The following AFMID variants were observed in gnomAD, a reference collection of about 807,000 sequenced individuals.
The protein encoded by AFMID is kynurenine formamidase.
In AFMID, 39 loss-of-function variants were observed where a neutral mutation model predicts 47.5. The ratio of observed to expected loss-of-function variants is 0.82; its 90% confidence interval spans 0.64 to 1.07. AFMID has a LOEUF of 1.07. Among genes scored for constraint, AFMID ranks in the 50% least tolerant of loss-of-function variants. The pLI, the probability that AFMID is intolerant of heterozygous loss-of-function variation, is 0.00. For synonymous variants in AFMID, 130 were observed against 153.2 expected (o/e 0.85, Z 1.12); for missense variants, 375 against 387.5 (o/e 0.97, Z 0.27).
At chr17:78,204,799 C>G in intron 5 of AFMID, 29 bp from the exon 6 acceptor site, 1 of 1,614,184 alleles carries the variant, frequency 6.2e-7, no homozygotes, top group Non-Finnish European at 8.5e-7. Context: ...GGAAGTGCAT[C>G]CCTGACCCAG....
intron 2 of AFMID, among the ~76,000 whole-genome samples, chr17:78,201,954 TCTC>T (rs1290423146): frequency 2.0e-5 from 3 of 151,446 alleles, no homozygotes; most frequent in Non-Finnish European, 4.4e-5. Context: ...GTGGTCTCGA[TCTC>T]CTGACCTCGT....
At chr17:78,196,346 C>G (rs1402907024) in intron 2 of AFMID, among the ~76,000 whole-genome samples, 1 of 151,898 alleles carries the variant, frequency 6.6e-6, no homozygotes, top group Non-Finnish European at 1.5e-5. Context: ...GCCTGGGTGA[C>G]AAAGCGAGAC....
At chr17:78,190,865 C>A (rs2075947383) in intron 1 of AFMID, 105 bp from the exon 2 acceptor site, 1 of 948,644 alleles carries the variant, frequency 1.1e-6, no homozygotes, top group South Asian at 1.5e-5. Flanking sequence ...GATACTGGGG[C>A]GAGGGCTTCT....
intron 8 of AFMID, 29 bp downstream of exon 8, chr17:78,205,547 G>A: frequency 6.2e-7 from 1 of 1,613,790 alleles, no homozygotes; most frequent in Non-Finnish European, 8.5e-7. Flanking sequence ...ACCTCCCCTG[G>A]CTCACCAGGA....
At chr17:78,205,814 G>A in intron 9 of AFMID, 76 bp downstream of exon 9, 2 of 1,599,930 alleles carry the variant, frequency 1.3e-6, no homozygotes, top group East Asian at 4.5e-5. Flanking sequence ...TTTTACCCAA[G>A]TGGACAAGAC....
intron 2 of AFMID, among the ~76,000 whole-genome samples, chr17:78,198,667 G>C (rs2076171884): frequency 6.6e-6 from 1 of 151,594 alleles, no homozygotes; most frequent in Non-Finnish European, 1.5e-5. Context: ...AAATTAGACA[G>C]GTGTGGTGGC....
intron 2 of AFMID, among the ~76,000 whole-genome samples, chr17:78,198,523 G>T (rs997029388): frequency 6.6e-6 from 1 of 151,644 alleles, no homozygotes; most frequent in East Asian, 1.9e-4. Context: ...CAGGAGAATC[G>T]CTTGAACCCA....
intron 10 of AFMID, 74 bp downstream of exon 10, chr17:78,206,124 C>G (rs779133833): frequency 8.6e-5 from 116 of 1,347,694 alleles, no homozygotes; most frequent in Non-Finnish European, 1.2e-4. Flanking sequence ...GATGTGCAAA[C>G]CAGGAGTTCA....
In AFMID at chr17:78,189,795, C is replaced by T. The variant is rs183292897; in HGVS notation, c.64-1175C>T. Among the ~76,000 whole-genome samples the T allele has an allele frequency of 2.2e-3, 336 of 150,978 alleles. 2 individuals carry two copies. Among genetic ancestry groups the T allele is most frequent in the African/African-American group, 7.8e-3 (320 of 41,104 alleles). On this transcript the variant is annotated intron_variant, in intron 1 of 10. Transcript: ENST00000409257. ...TTGGCCTCCCAAAGTGCTGGGATTA[C>T]AGGCGAGAGCCACCGTGTCCAGCAT... is the stretch of plus-strand genomic sequence containing the variant.
chr17:78,188,833 A>G (rs373477462), intron 1 of AFMID, among the ~76,000 whole-genome samples: 5 of 152,128 alleles, frequency 3.3e-5, no homozygotes, highest in East Asian at 3.9e-4. Flanking sequence ...TCCTGACCTC[A>G]TGATCCGCCC....
rs17640750 is a variant in AFMID at position 78,191,079 on chromosome 17, C to T, written c.154+19C>T. 0.24 allele frequency: 383,653 copies of T among 1,606,202 alleles called. 48,023 individuals carry two copies. Among genetic ancestry groups the T allele is most frequent in the Non-Finnish European group, 0.26 (303,799 of 1,173,998 alleles). On this transcript the variant is annotated intron_variant, in intron 2 of 10. Transcript: ENST00000409257. The stretch of plus-strand genomic sequence containing the variant: ...ATTGAAGGTACTAGTGTGACCTCTC[C>T]GTGGCCGCATTGGGTGTCCTTAAGC...
chr17:78,190,418 A>G (rs1365838100), intron 1 of AFMID, among the ~76,000 whole-genome samples: 1 of 151,928 alleles, frequency 6.6e-6, no homozygotes, highest in African/African-American at 2.4e-5. Flanking sequence ...TTTTTGAGGT[A>G]GAGTCTTGCT....
rs1353540185 is a variant in AFMID, at chr17:78,201,297, A to AC, written c.155-1202_155-1201insC. Among the ~76,000 whole-genome samples, 6 of 151,308 alleles carry AC rather than the reference A, an allele frequency of 4.0e-5. No individual in the cohort carries two copies. The East Asian group carries it at 1.2e-3, about 30-fold the overall frequency. On this transcript the variant is annotated intron_variant, in intron 2 of 10. Coordinates refer to ENST00000409257, the MANE Select transcript of AFMID (RefSeq NM_001010982.5). The stretch of plus-strand genomic sequence containing the variant: ...TGACAGAGCAAGACTCCGTCGCAAA[A>AC]AAAAAAAAACGATGAATGCTAGGAT...
chr17:78,205,582 C>G, intron 8 of AFMID, 21 bp from the exon 9 acceptor site: 2 of 1,614,032 alleles, frequency 1.2e-6, no homozygotes, highest in Non-Finnish European at 1.7e-6. Flanking sequence ...TGTCCTGACC[C>G]CTGTCCACTC....
chr17:78,202,327 G>A (rs1277670262), intron 2 of AFMID, among the ~76,000 whole-genome samples, 172 bp from the exon 3 acceptor site: 2 of 152,014 alleles, frequency 1.3e-5, no homozygotes, highest in African/African-American at 4.8e-5. Context: ...TACTTGGGAG[G>A]CTGAGGCAGG....
intron 7 of AFMID, 61 bp from the exon 8 acceptor site, chr17:78,205,379 G>T: frequency 6.3e-7 from 1 of 1,581,518 alleles, no homozygotes; most frequent in South Asian, 1.1e-5. Flanking sequence ...CGGTGGGGGT[G>T]GGCTGGCCCT....
At chr17:78,200,810 T>C (rs1344923478) in intron 2 of AFMID, among the ~76,000 whole-genome samples, 1 of 152,194 alleles carries the variant, frequency 6.6e-6, no homozygotes, top group African/African-American at 2.4e-5. Flanking sequence ...TTGTTACAGC[T>C]GCCCTGGTAA....
intron 1 of AFMID, among the ~76,000 whole-genome samples, chr17:78,190,258 C>A (rs149771007): frequency 1.3e-5 from 2 of 152,146 alleles, no homozygotes; most frequent in South Asian, 4.1e-4. Flanking sequence ...CTCCCAGCCT[C>A]ACCTCTGTGT....
At chr17:78,199,895 G>A (rs572697651) in intron 2 of AFMID, among the ~76,000 whole-genome samples, 8 of 152,280 alleles carry the variant, frequency 5.3e-5, no homozygotes, top group African/African-American at 1.9e-4. Flanking sequence ...CTGGATCCTT[G>A]GGGTGACAGG....
Sources: gnomAD v4.1 joint callset for allele counts (sites outside exome capture counted in the v4.1 genomes callset) on GRCh38, gnomAD v4.1.1 for gene constraint, MANE v1.5 for transcripts, NCBI Gene and HGNC (gene_info 2026-07-23, HGNC 2026-07-21) for gene names.